TBC1D5: variants seen among roughly 807,000 people sequenced by gnomAD.
TBC1D5 encodes the protein TBC1 domain family member 5.
TBC1D5 carries 75 observed loss-of-function variants against 100.3 expected under a neutral mutation model. The observed-to-expected ratio is 0.75, with a 90% CI of 0.62 to 0.91. TBC1D5 has a LOEUF of 0.91. Ranked by LOEUF, TBC1D5 falls within the 40% of genes least tolerant of loss-of-function variation. The probability of loss-of-function intolerance (pLI) is 0.00; values close to 1 mark genes in which losing one functional copy is unlikely to be tolerated. For missense variants in TBC1D5, 910 were observed against 942.4 expected, an observed-to-expected ratio of 0.97 and a Z score of 0.45; for synonymous variants, 323 against 325.6, an observed-to-expected ratio of 0.99 and a Z score of 0.09.
chr3:17,639,187 A>G (rs924441939), intron 1 of TBC1D5, among the ~76,000 whole-genome samples: 2 of 152,188 alleles, frequency 1.3e-5, no homozygotes, highest in Admixed American at 1.3e-4. Flanking sequence ...AATATTCACC[A>G]ATAAAAACGA....
intron 9 of TBC1D5, among the ~76,000 whole-genome samples, chr3:17,382,563 CT>C (rs5846960): frequency 0.48 from 69,586 of 144,090 alleles, 17,352 homozygotes; most frequent in African/African-American, 0.65. Context: ...CCTTGAATAA[CT>C]TTTTTTTTTT....
chr3:17,177,708 C>A (rs1408685473), intron 19 of TBC1D5, among the ~76,000 whole-genome samples: 1 of 152,122 alleles, frequency 6.6e-6, no homozygotes, highest in African/African-American at 2.4e-5. Flanking sequence ...CCTACTGCAT[C>A]GGAATCCTAT....
At chr3:17,233,629 A>G in intron 17 of TBC1D5, 56 bp downstream of exon 18, 7 of 1,027,242 alleles carry the variant, frequency 6.8e-6, no homozygotes, top group Non-Finnish European at 1.0e-5. Context: ...TGGAGTAGGC[A>G]ATGATAATAC....
intron 16 of TBC1D5, among the ~76,000 whole-genome samples, chr3:17,256,627 T>C (rs1204294900): frequency 6.6e-6 from 1 of 152,104 alleles, no homozygotes. Flanking sequence ...AAAAAATTCA[T>C]ATAACAAATA....
At chr3:17,739,387 T>A (rs1420735663) in exon 1 of TBC1D5, 1 of 152,232 alleles carries the variant, frequency 6.6e-6, no homozygotes, top group Non-Finnish European at 1.5e-5. Context: ...CGTTAAAATG[T>A]GATAATGACC....
At chr3:17,274,641 T>C (rs1429037585) in intron 15 of TBC1D5, among the ~76,000 whole-genome samples, 1 of 152,164 alleles carries the variant, frequency 6.6e-6, no homozygotes, top group African/African-American at 2.4e-5. Flanking sequence ...TTCTACAAAT[T>C]TTCCCACCTG....
intron 17 of TBC1D5, among the ~76,000 whole-genome samples, chr3:17,229,065 C>T (rs538573265): frequency 6.6e-6 from 1 of 152,086 alleles, no homozygotes; most frequent in Non-Finnish European, 1.5e-5. Flanking sequence ...AACCCCAGTA[C>T]ACCTGAGGTC....
intron 13 of TBC1D5, among the ~76,000 whole-genome samples, chr3:17,311,278 C>T (rs931489265): frequency 1.3e-5 from 2 of 152,002 alleles, no homozygotes; most frequent in Non-Finnish European, 2.9e-5. Flanking sequence ...GTATGTTACA[C>T]CTGCAGACTG....
Position 17,624,629 on chromosome 3 carries a change from T to C in TBC1D5, c.-100-716A>G, listed in dbSNP as rs2062915586. Among the ~76,000 whole-genome samples the C allele has an allele frequency of 3.3e-5, 5 of 152,158 alleles. 1 individual carries two copies. The South Asian group carries it at 1.0e-3, about 32-fold the overall frequency. ...TAGCAAGATTACAAAAGGCTTTCTT[T>C]TACTTCTATTTCTAAAAACAAATTT... On this transcript the variant is annotated intron_variant, in intron 1 of 21. Coordinates refer to ENST00000253692, the Ensembl canonical transcript of TBC1D5.
intron 15 of TBC1D5, among the ~76,000 whole-genome samples, chr3:17,283,050 C>T (rs983801620): frequency 3.3e-5 from 5 of 152,212 alleles, no homozygotes; most frequent in African/African-American, 9.7e-5. Context: ...ATTCTACTTC[C>T]TCTGTTTTCT....
At chr3:17,211,294 GA>G (rs1278717522) in intron 18 of TBC1D5, among the ~76,000 whole-genome samples, 1 of 152,182 alleles carries the variant, frequency 6.6e-6, no homozygotes, top group Admixed American at 6.5e-5. Context: ...TTTGCCTAGA[GA>G]AAACCCTTCC....
At chr3:17,641,981 T>C (rs1198140200) in intron 1 of TBC1D5, among the ~76,000 whole-genome samples, 2 of 152,154 alleles carry the variant, frequency 1.3e-5, no homozygotes, top group South Asian at 4.1e-4. Context: ...TATTAGATAG[T>C]ATTGCTCTTT....
At chr3:17,190,032 T>C (rs114362220) in intron 18 of TBC1D5, among the ~76,000 whole-genome samples, 5,200 of 152,330 alleles carry the variant, frequency 0.034, 137 homozygotes, top group Middle Eastern at 0.051. Flanking sequence ...ATTAGACTTC[T>C]ATTGAAATGT....
chr3:17,428,411 G>A (rs4034995), intron 4 of TBC1D5, 39 bp downstream of exon 4: 87,812 of 207,344 alleles, frequency 0.42, 13,624 homozygotes, highest in East Asian at 0.7. Context: ...GTGTGTGTGT[G>A]TATATATATA....
chr3:17,468,231 T>A (rs1433400304), intron 3 of TBC1D5, among the ~76,000 whole-genome samples: 1 of 152,148 alleles, frequency 6.6e-6, no homozygotes, highest in Non-Finnish European at 1.5e-5. Flanking sequence ...ATGATTACAT[T>A]AACTTACATC....
chr3:17,331,530 A>G (rs933185913), intron 13 of TBC1D5, among the ~76,000 whole-genome samples: 1 of 152,194 alleles, frequency 6.6e-6, no homozygotes, highest in Non-Finnish European at 1.5e-5. Context: ...TAACTTTTAA[A>G]AAGAAAAATA....
chr3:17,695,605 T>A (rs1290838058), intron 1 of TBC1D5, among the ~76,000 whole-genome samples: 1 of 152,164 alleles, frequency 6.6e-6, no homozygotes, highest in Non-Finnish European at 1.5e-5. Context: ...AAGCAAGTCC[T>A]TAGAGACCTA....
chr3:17,524,769 C>G (rs1042981205), intron 2 of TBC1D5: 5 of 152,160 alleles, frequency 3.3e-5, no homozygotes, highest in Non-Finnish European at 7.3e-5. Context: ...GAGGCTGAGG[C>G]AGGAGAATCG....
In TBC1D5 at chr3:17,166,755, G is replaced by T. The variant is rs370495266; in HGVS notation, c.2094+12C>A. 18 of 1,597,124 alleles carry T rather than the reference G, an allele frequency of 1.1e-5. No homozygotes were observed. Among genetic ancestry groups the T allele is most frequent in the Non-Finnish European group, 1.5e-5 (18 of 1,174,070 alleles). On this transcript the variant is annotated intron_variant, in intron 21 of 21. Coordinates refer to ENST00000253692, the Ensembl canonical transcript of TBC1D5. ...TTGAGTTAATGTAACATGTTCCTCA[G>T]AGTTTCTGTACCTGTTTAATGGCCC...
Sources: gnomAD v4.1 joint callset for allele counts (sites outside exome capture counted in the v4.1 genomes callset) on GRCh38, gnomAD v4.1.1 for gene constraint, MANE v1.5 for transcripts, NCBI Gene and HGNC (gene_info 2026-07-23, HGNC 2026-07-21) for gene names.